Variants in PDLIM3 observed in about 807,000 individuals in gnomAD.
PDLIM3 encodes the protein PDZ and LIM domain protein 3.
Under a neutral mutation model 37.3 loss-of-function variants are expected in PDLIM3, and 36 were observed. The ratio of observed to expected loss-of-function variants is 0.97; its 90% CI spans 0.74 to 1.28. PDLIM3 has a LOEUF of 1.28. Ranked by LOEUF, PDLIM3 falls within the 50% of genes most tolerant of loss-of-function variation. The pLI, the probability that PDLIM3 is intolerant of heterozygous loss-of-function variation, is 0.00. For missense variants in PDLIM3, 454 were observed against 485.0 expected, an observed-to-expected ratio of 0.94 and a Z score of 0.60; for synonymous variants, 174 against 182.4, an observed-to-expected ratio of 0.95 and a Z score of 0.37.
intron 1 of PDLIM3, among the ~76,000 whole-genome samples, chr4:185,526,344 C>T (rs2095734094): frequency 6.6e-6 from 1 of 152,146 alleles, no homozygotes; most frequent in Admixed American, 6.5e-5. Flanking sequence ...TAAACCATAG[C>T]AGCAATTACA....
intron 3 of PDLIM3, chr4:185,515,410 G>A (rs4241805): frequency 0.81 from 123,239 of 152,216 alleles, 50,412 homozygotes; most frequent in Non-Finnish European, 0.87. Flanking sequence ...TAAGCCAGGT[G>A]AAAACTCGTT....
In PDLIM3 at chr4:185,531,048, GT is replaced by G. The variant is rs548920724; in HGVS notation, c.93+4293del. Among the ~76,000 whole-genome samples the G allele has an allele frequency of 1.9e-3, 289 of 151,628 alleles. 1 individual carries two copies. The highest frequency in any genetic ancestry group is 3.4e-3 in the Middle Eastern group (1 of 294). On this transcript the variant is annotated intron_variant, in intron 1 of 7. Coordinates refer to ENST00000284767, the MANE Select transcript of PDLIM3 (RefSeq NM_014476.6). The stretch of plus-strand genomic sequence containing the variant: ...TATATAGGGTTTGGTACTAATGTAG[GT>G]TTTAGGCAACCATTGGGGGTCTTGG...
intron 1 of PDLIM3, among the ~76,000 whole-genome samples, chr4:185,530,987 CATA>C (rs2095743363): frequency 3.8e-5 from 1 of 26,516 alleles, no homozygotes; most frequent in Non-Finnish European, 8.2e-5. Context: ...CACACACACA[CATA>C]CACACACACA....
chr4:185,523,396 T>C lies in PDLIM3; in HGVS notation c.296A>G (p.His99Arg). 10 of 1,612,390 alleles carry C rather than the reference T, an allele frequency of 6.2e-6. No individual in the cohort carries two copies. The highest frequency in any genetic ancestry group is 7.6e-6 in the Non-Finnish European group (9 of 1,178,544). ...TGATTCTAAGTTGATTTTGAAAGGA[T>C]GGGCTTTCCCATCTTCAGATACTTG... ...SPQVSEDGKA[H>R]PFKINLESEP... The change falls in exon 3 of 8, where the codon CAT becomes CGT. Residue 99 changes from histidine to arginine, a missense_variant. Transcript: ENST00000284767.
Position 185,508,282 on chromosome 4 carries a change from A to T in PDLIM3, c.662+17T>A. 6.2e-7 allele frequency: 1 copy of T among 1,613,328 alleles called. No individual in the cohort carries two copies. On this transcript the variant is annotated intron_variant, in intron 5 of 7. Coordinates refer to ENST00000284767, the MANE Select transcript of PDLIM3 (RefSeq NM_014476.6). ...TGTTTAGTTAATATGCCCATGGTTC[A>T]AAGAGACTCATATTACCTCATCAAA... is the stretch of plus-strand genomic sequence containing the variant.
rs4861669 is a variant in PDLIM3, at chr4:185,523,550, C to T, written c.246-104G>A. ...TTTGTGAAAATACTAGCAAACCTCACTAACTTATGCAAAAACAATTTTTTT... is the reference window on the plus strand; with the variant it reads ...TTTGTGAAAATACTAGCAAACCTCATTAACTTATGCAAAAACAATTTTTTT... On this transcript the variant is annotated intron_variant, in intron 2 of 7. Transcript: ENST00000284767. The T allele has an allele frequency of 0.8, 573,851 of 714,932 alleles. 238,613 individuals carry two copies. The highest frequency in any genetic ancestry group is 0.87 in the Non-Finnish European group (366,040 of 421,278). The allele number at this position is 714,932 out of a possible 1,614,324, so 44.3% of individuals were successfully genotyped here.
chr4:185,505,758 A>G (rs1373267384), intron 6 of PDLIM3, among the ~76,000 whole-genome samples: 1 of 152,200 alleles, frequency 6.6e-6, no homozygotes, highest in Non-Finnish European at 1.5e-5. Context: ...ATCCTCTCCC[A>G]GGGTTGCTCT....
chr4:185,533,978 C>G (rs896642446), intron 1 of PDLIM3, among the ~76,000 whole-genome samples: 56 of 152,096 alleles, frequency 3.7e-4, no homozygotes, highest in African/African-American at 1.3e-3. Context: ...ATAACGGAAA[C>G]TGTTTTTGTT....
chr4:185,512,709 C>T (rs2095708484), intron 4 of PDLIM3: 2 of 985,312 alleles, frequency 2.0e-6, no homozygotes. Flanking sequence ...TGGGTGGACT[C>T]AGTCACACTA....
chr4:185,511,101 G>A (rs906847872), intron 4 of PDLIM3, among the ~76,000 whole-genome samples: 2 of 152,144 alleles, frequency 1.3e-5, no homozygotes, highest in African/African-American at 4.8e-5. Context: ...TAATTTCTCT[G>A]GGGTGTGTAC....
In PDLIM3 at chr4:185,535,495, C is replaced by G; in HGVS notation, c.-61G>C. 6.9e-7 allele frequency: 1 copy of G among 1,440,682 alleles called. No homozygotes were observed. The highest frequency in any genetic ancestry group is 1.3e-5 in the South Asian group (1 of 79,462). The allele number at this position is 1,440,682 out of a possible 1,614,324, so 89.2% of individuals were successfully genotyped here. ...CCCGCGCAGGGCAGCCACTCCGCGC[C>G]GGGCGGCGTCCTGGCCCCGACCCGG... On this transcript the variant is annotated 5_prime_UTR_variant, in exon 1 of 8. Coordinates refer to ENST00000284767, the MANE Select transcript of PDLIM3 (RefSeq NM_014476.6).
At chr4:185,529,904 C>G (rs1046277487) in intron 1 of PDLIM3, among the ~76,000 whole-genome samples, 2 of 152,188 alleles carry the variant, frequency 1.3e-5, no homozygotes, top group African/African-American at 4.8e-5. Flanking sequence ...AATCTTCTAT[C>G]ATCTCGCATT....
At chr4:185,533,712 G>C (rs2095748612) in intron 1 of PDLIM3, among the ~76,000 whole-genome samples, 3 of 152,102 alleles carry the variant, frequency 2.0e-5, no homozygotes, top group African/African-American at 7.2e-5. Flanking sequence ...TCCAACTCTG[G>C]AATGTAAGTA....
chr4:185,503,104 G>A (rs2095690072), intron 7 of PDLIM3, among the ~76,000 whole-genome samples: 1 of 152,092 alleles, frequency 6.6e-6, no homozygotes, highest in Non-Finnish European at 1.5e-5. Flanking sequence ...GGCACCTGTA[G>A]TCCCAGCTAC....
rs1471696343 is a variant in PDLIM3 at position 185,504,470 on chromosome 4, C to G, written c.905+5G>C. 1 of 1,605,482 alleles carries G rather than the reference C, an allele frequency of 6.2e-7. No homozygotes were observed. ...GTAAATTCCAGGGTTAAAAGTGAAA[C>G]TTACACTATGCCACTCCCACATTTG... On this transcript the variant is annotated splice_donor_5th_base_variant and intron_variant, in intron 7 of 7. Transcript: ENST00000284767. The surrounding 1 kb of genome is among the most constrained non-coding windows in gnomAD (Gnocchi z 4.7).
At position 185,502,535 on chromosome 4, in the gene PDLIM3, G is replaced by A. The variant is rs755520868; in HGVS notation, c.906-52C>T. ...TTAAAAAACCACAGAGCAAAAATAT[G>A]AGACAAAGGAGAGAACCCAACAGAG... On this transcript the variant is annotated intron_variant, in intron 7 of 7. Coordinates refer to ENST00000284767, the MANE Select transcript of PDLIM3 (RefSeq NM_014476.6). 12 of 1,513,462 alleles carry A rather than the reference G, an allele frequency of 7.9e-6. No homozygotes were observed. In the African/African-American group the frequency reaches 1.4e-4, roughly 17 times the overall value. 93.8% of individuals were successfully genotyped at this position (1,513,462 alleles called of 1,614,324 possible).
chr4:185,519,948 G>A (rs1277553967), intron 3 of PDLIM3, among the ~76,000 whole-genome samples: 6 of 152,094 alleles, frequency 3.9e-5, no homozygotes, highest in Non-Finnish European at 8.8e-5. Flanking sequence ...CGTATTTGCT[G>A]TCCAGAAGAT....
intron 4 of PDLIM3, among the ~76,000 whole-genome samples, chr4:185,510,607 T>C (rs1336778070): frequency 6.6e-6 from 1 of 152,162 alleles, no homozygotes; most frequent in Admixed American, 6.6e-5. Flanking sequence ...TTAGTGACTT[T>C]TTTCAAATTG....
chr4:185,514,761 T>C lies in PDLIM3; in HGVS notation c.331-424A>G, dbSNP rs1202249237. 1 of 1,552,112 alleles carries C rather than the reference T, an allele frequency of 6.4e-7. No homozygotes were observed. Among genetic ancestry groups the C allele is most frequent in the Non-Finnish European group, 8.7e-7 (1 of 1,147,082 alleles). On this transcript the variant is annotated intron_variant, in intron 3 of 7. Transcript: ENST00000284767. The surrounding 1 kb of genome is among the most constrained non-coding windows in gnomAD (Gnocchi z 4.0). The stretch of plus-strand genomic sequence containing the variant: ...TGTCCGTGAAGCGCATCTTGTATAT[T>C]GCTAGTTGAATAGAGCCCAATTGGC...
Sources: allele counts gnomAD v4.1 joint callset (sites outside exome capture counted in the v4.1 genomes callset), GRCh38; gene constraint gnomAD v4.1.1; non-coding constraint Gnocchi (gnomAD v3.1); transcripts MANE v1.5; gene names NCBI Gene and HGNC (gene_info 2026-07-23, HGNC 2026-07-21).